GUCY1B1: variants seen among roughly 807,000 people sequenced by gnomAD.
GUCY1B1 encodes the protein guanylate cyclase 1 soluble subunit beta 1, also known as guanylate cyclase soluble subunit beta-1.
Under a neutral mutation model 71.0 loss-of-function variants are expected in GUCY1B1, and 43 were observed. The ratio of observed to expected loss-of-function variants is 0.61; its 90% confidence interval spans 0.47 to 0.78. The LOEUF (loss-of-function observed/expected upper bound fraction) is 0.78. Among genes scored for constraint, GUCY1B1 ranks in the 30% least tolerant of loss-of-function variants. The probability of loss-of-function intolerance (pLI) is 0.00; values close to 1 mark genes in which losing one functional copy is unlikely to be tolerated. For missense variants in GUCY1B1, 535 were observed against 754.1 expected, an observed-to-expected ratio of 0.71 and a Z score of 3.40; for synonymous variants, 266 against 259.7, an observed-to-expected ratio of 1.02 and a Z score of -0.23.
chr4:155,796,699 A>G (rs1263686071), intron 8 of GUCY1B1, among the ~76,000 whole-genome samples, 189 bp downstream of exon 8: 1 of 152,232 alleles, frequency 6.6e-6, no homozygotes, highest in Non-Finnish European at 1.5e-5. Flanking sequence ...CTCAGAAGAA[A>G]TCACATACTC....
chr4:155,791,740 A>G (rs1250697771), intron 5 of GUCY1B1, among the ~76,000 whole-genome samples: 2 of 79,796 alleles, frequency 2.5e-5, no homozygotes, highest in Non-Finnish European at 2.6e-5. Flanking sequence ...TCAAAAAAAT[A>G]GAGAAAAAAA....
chr4:155,759,874 T>A lies in GUCY1B1; in HGVS notation c.77+14T>A. ...GGAAGACATCAAGTAAGTGGCCGGC[T>A]ACCCTGGCTGTGGCCCAGGTCGGCG... On this transcript the variant is annotated intron_variant, in intron 2 of 13. Transcript: ENST00000264424. The A allele has an allele frequency of 6.3e-7, 1 of 1,598,746 alleles. No homozygotes were observed. The highest frequency in any genetic ancestry group is 8.6e-7 in the Non-Finnish European group (1 of 1,167,342).
In GUCY1B1 at chr4:155,802,260, T is replaced by A; in HGVS notation, c.1176-82T>A. On this transcript the variant is annotated intron_variant, in intron 9 of 13. Coordinates refer to ENST00000264424, the MANE Select transcript of GUCY1B1 (RefSeq NM_000857.5). This position sits in a 1 kb window ranked among gnomAD's most constrained non-coding sequence, Gnocchi z 4.3. ...GCCTTTAAAGTACAAACGACACTGA[T>A]GCTGTGTGAAAAGGACAGCAGAAGC... The A allele has an allele frequency of 6.3e-7, 1 of 1,582,352 alleles. No homozygotes were observed. Among genetic ancestry groups the A allele is most frequent in the African/African-American group, 1.3e-5 (1 of 74,610 alleles).
intron 4 of GUCY1B1, among the ~76,000 whole-genome samples, chr4:155,787,865 T>C (rs1738901831): frequency 6.6e-6 from 1 of 152,352 alleles, no homozygotes; most frequent in African/African-American, 2.4e-5. Flanking sequence ...TTTTTCTAAA[T>C]TGACCTCTTT....
rs760195774 is a variant in GUCY1B1 at position 155,802,313 on chromosome 4, A to G, written c.1176-29A>G. On this transcript the variant is annotated intron_variant, in intron 9 of 13. Transcript: ENST00000264424. The surrounding 1 kb of genome is among the most constrained non-coding windows in gnomAD (Gnocchi z 4.3). ...TAAAGGCTTTCCCAGTATTTCTTAC[A>G]GTGGCTTTCTGCTGATCCCACTGAA... The G allele has an allele frequency of 3.7e-5, 60 of 1,613,370 alleles. No individual in the cohort carries two copies. In the South Asian group the frequency reaches 4.5e-4, roughly 12 times the overall value.
At chr4:155,797,420 C>T (rs1739629253) in intron 8 of GUCY1B1, among the ~76,000 whole-genome samples, 1 of 152,078 alleles carries the variant, frequency 6.6e-6, no homozygotes. Context: ...TTATACATTA[C>T]ATAACAATAA....
At chr4:155,766,495 A>C (rs1409552648) in intron 2 of GUCY1B1, among the ~76,000 whole-genome samples, 3 of 152,170 alleles carry the variant, frequency 2.0e-5, no homozygotes, top group Non-Finnish European at 4.4e-5. Context: ...TCATTATAGT[A>C]TTGTTAACTG....
chr4:155,765,075 G>A (rs549724427), intron 2 of GUCY1B1, among the ~76,000 whole-genome samples: 26 of 151,910 alleles, frequency 1.7e-4, no homozygotes, highest in Admixed American at 1.7e-3. Flanking sequence ...TTGGCGTGTC[G>A]GAAGGATCTT....
At chr4:155,782,332 G>A (rs901666007) in intron 4 of GUCY1B1, among the ~76,000 whole-genome samples, 5 of 152,094 alleles carry the variant, frequency 3.3e-5, no homozygotes, top group Middle Eastern at 3.4e-3. Context: ...CTCGTGATCC[G>A]CCCGCCTCGG....
chr4:155,797,301 T>C (rs979703691), intron 8 of GUCY1B1, among the ~76,000 whole-genome samples: 5 of 152,146 alleles, frequency 3.3e-5, no homozygotes, highest in Non-Finnish European at 5.9e-5. Flanking sequence ...GGTTAAAAAT[T>C]TAATCTGAAT....
At chr4:155,768,578 CAT>C (rs1438052907) in intron 2 of GUCY1B1, among the ~76,000 whole-genome samples, 4 of 151,084 alleles carry the variant, frequency 2.6e-5, no homozygotes, top group Admixed American at 2.0e-4. Flanking sequence ...TTATTAAGCA[CAT>C]GTGCAATTCC....
At chr4:155,781,869 A>T (rs1738441105) in intron 4 of GUCY1B1, among the ~76,000 whole-genome samples, 1 of 152,102 alleles carries the variant, frequency 6.6e-6, no homozygotes, top group African/African-American at 2.4e-5. Flanking sequence ...AATATAATGT[A>T]TCAAAAAGAG....
chr4:155,788,163 G>A (rs1037855969), intron 4 of GUCY1B1, among the ~76,000 whole-genome samples: 23 of 152,168 alleles, frequency 1.5e-4, no homozygotes, highest in African/African-American at 5.1e-4. Context: ...TATATTCAGC[G>A]TGCTGTGCTG....
chr4:155,785,406 C>T, intron 4 of GUCY1B1: 2 of 657,784 alleles, frequency 3.0e-6, no homozygotes, highest in Non-Finnish European at 5.2e-6. Flanking sequence ...GGCCACACAG[C>T]TCTTTACTTT....
intron 2 of GUCY1B1, among the ~76,000 whole-genome samples, chr4:155,771,850 A>G (rs1280439001): frequency 1.3e-5 from 2 of 152,178 alleles, no homozygotes; most frequent in East Asian, 3.8e-4. Flanking sequence ...ATGGTATAGA[A>G]GTATAATTAT....
At chr4:155,794,729 G>A (rs1739429631) in intron 6 of GUCY1B1, among the ~76,000 whole-genome samples, 1 of 152,198 alleles carries the variant, frequency 6.6e-6, no homozygotes, top group African/African-American at 2.4e-5. Context: ...GATTAGCCCA[G>A]TTGGATCAGG....
At position 155,800,080 on chromosome 4, in the gene GUCY1B1, AATG is replaced by A; in HGVS notation, c.1175+7_1175+9del. ...GAAAAGAAAAAGACAGACACGTAAG[AATG>A]TAACGCTTGGAGCACTACTGTTATT... is the stretch of plus-strand genomic sequence containing the variant. On this transcript the variant is annotated splice_region_variant and intron_variant, in intron 9 of 13. Coordinates refer to ENST00000264424, the MANE Select transcript of GUCY1B1 (RefSeq NM_000857.5). 6.3e-7 allele frequency: 1 copy of A among 1,592,344 alleles called. No individual in the cohort carries two copies. The highest frequency in any genetic ancestry group is 8.6e-7 in the Non-Finnish European group (1 of 1,162,752).
At position 155,759,904 on chromosome 4, in the gene GUCY1B1, G is replaced by A. The variant is rs200852403; in HGVS notation, c.77+44G>A. On this transcript the variant is annotated intron_variant, in intron 2 of 13. Transcript: ENST00000264424. ...TGGCTGTGGCCCAGGTCGGCGCCCA[G>A]TGTGGGAGGCCCCCCGCGCCTCGCC... 36 of 1,447,520 alleles carry A rather than the reference G, an allele frequency of 2.5e-5. No individual in the cohort carries two copies. The Admixed American group carries it at 4.4e-4, about 18-fold the overall frequency. The allele number at this position is 1,447,520 out of a possible 1,614,324, so 89.7% of individuals were successfully genotyped here.
chr4:155,772,620 A>G lies in GUCY1B1; in HGVS notation c.78-2348A>G, dbSNP rs992055170. On this transcript the variant is annotated intron_variant, in intron 2 of 13. Coordinates refer to ENST00000264424, the MANE Select transcript of GUCY1B1 (RefSeq NM_000857.5). ...TTTCTAGGAGAGAAGAGGTCTTGGT[A>G]TGTCGCCCAGGCTGTTCTCAAATTC... 8.8e-6 allele frequency: 6 copies of G among 684,450 alleles called. No homozygotes were observed. In the African/African-American group the frequency reaches 1.1e-4, roughly 12 times the overall value. 42.4% of individuals were successfully genotyped at this position (684,450 alleles called of 1,614,324 possible).
Sources: gnomAD v4.1 joint callset for allele counts (sites outside exome capture counted in the v4.1 genomes callset) on GRCh38, gnomAD v4.1.1 for gene constraint, Gnocchi (gnomAD v3.1) non-coding constraint, MANE v1.5 for transcripts, NCBI Gene and HGNC (gene_info 2026-07-23, HGNC 2026-07-21) for gene names.